SGCZ: variants seen among roughly 807,000 people sequenced by gnomAD.
The protein encoded by SGCZ is zeta-sarcoglycan.
In SGCZ, 40 loss-of-function variants were observed where a neutral mutation model predicts 41.3. The observed-to-expected ratio is 0.97, with a 90% CI of 0.75 to 1.26. The LOEUF (loss-of-function observed/expected upper bound fraction) is 1.26, where lower values mean the gene tolerates loss of function less well. SGCZ is among the 50% of genes most tolerant of loss of function. SGCZ has a pLI of 0.00. For missense variants in SGCZ, 552 were observed against 369.8 expected, an observed-to-expected ratio of 1.49 and a Z score of -4.04; for synonymous variants, 206 against 137.5, an observed-to-expected ratio of 1.50 and a Z score of -3.49.
chr8:14,125,033 C>G (rs1195183322), intron 5 of SGCZ, among the ~76,000 whole-genome samples: 1 of 152,116 alleles, frequency 6.6e-6, no homozygotes, highest in Non-Finnish European at 1.5e-5. Context: ...TGAATGAACT[C>G]CCATTCACAA....
intron 1 of SGCZ, among the ~76,000 whole-genome samples, chr8:14,630,066 T>C (rs1450944025): frequency 6.6e-6 from 1 of 152,090 alleles, no homozygotes; most frequent in Non-Finnish European, 1.5e-5. Flanking sequence ...CCCCATTCCT[T>C]GATTTCCATG....
intron 1 of SGCZ, among the ~76,000 whole-genome samples, chr8:14,637,051 CT>C (rs1459796008): frequency 6.6e-6 from 1 of 150,590 alleles, no homozygotes; most frequent in Non-Finnish European, 1.5e-5. Flanking sequence ...TATTTTTTTT[CT>C]TTTTCATACA....
At chr8:14,665,217 G>A (rs535977428) in intron 1 of SGCZ, among the ~76,000 whole-genome samples, 23 of 152,002 alleles carry the variant, frequency 1.5e-4, no homozygotes, top group African/African-American at 5.3e-4. Flanking sequence ...CTGTGTCCAT[G>A]TGTTCTCATT....
chr8:14,427,057 TGAATGAATGAGTGAATGAAC>T (rs1323672183), intron 2 of SGCZ, among the ~76,000 whole-genome samples: 1 of 142,878 alleles, frequency 7.0e-6, no homozygotes, highest in African/African-American at 2.6e-5. Context: ...AATGAATGAA[TGAATGAATGAGTGAATGAAC>T]GAATGAATGA....
chr8:15,229,025 T>A (rs943726325), intron 1 of SGCZ, among the ~76,000 whole-genome samples: 5 of 152,024 alleles, frequency 3.3e-5, no homozygotes, highest in African/African-American at 1.2e-4. Flanking sequence ...GAAACCCGTA[T>A]CTACAAAAAT....
intron 1 of SGCZ, among the ~76,000 whole-genome samples, chr8:15,075,305 G>T (rs559923966): frequency 6.6e-6 from 1 of 152,092 alleles, no homozygotes; most frequent in African/African-American, 2.4e-5. Context: ...GATTTAGAGT[G>T]AATCTAAATA....
At chr8:14,592,211 C>A (rs1185179817) in intron 1 of SGCZ, among the ~76,000 whole-genome samples, 1 of 151,992 alleles carries the variant, frequency 6.6e-6, no homozygotes, top group Non-Finnish European at 1.5e-5. Flanking sequence ...GCCTTAGATT[C>A]CTAGTTTTAA....
intron 2 of SGCZ, among the ~76,000 whole-genome samples, chr8:14,450,467 A>C (rs1446692140): frequency 1.3e-5 from 2 of 152,214 alleles, no homozygotes; most frequent in Admixed American, 1.3e-4. Flanking sequence ...AGTGTAAGAG[A>C]AAATGTCTGT....
chr8:14,281,110 A>T (rs1409611715), intron 3 of SGCZ, among the ~76,000 whole-genome samples: 1 of 151,930 alleles, frequency 6.6e-6, no homozygotes, highest in African/African-American at 2.4e-5. Flanking sequence ...TTTCAGTCAC[A>T]TTCTTGAGAT....
chr8:14,747,840 G>C (rs1001700134), intron 1 of SGCZ, among the ~76,000 whole-genome samples: 1 of 148,560 alleles, frequency 6.7e-6, no homozygotes, highest in Non-Finnish European at 1.5e-5. Flanking sequence ...AGTCTCCTTA[G>C]TAGCTGAGAT....
chr8:14,905,835 C>T (rs546471610), intron 1 of SGCZ, among the ~76,000 whole-genome samples: 3 of 151,794 alleles, frequency 2.0e-5, no homozygotes, highest in South Asian at 4.1e-4. Context: ...CAAAACCATT[C>T]GTACAAACTG....
intron 1 of SGCZ, among the ~76,000 whole-genome samples, chr8:15,123,307 T>C (rs1807557442): frequency 6.6e-6 from 1 of 152,236 alleles, no homozygotes; most frequent in Non-Finnish European, 1.5e-5. Flanking sequence ...TAAAGATTTA[T>C]GCCTTTTATT....
chr8:14,365,747 T>TTTG (rs996761431), intron 2 of SGCZ, among the ~76,000 whole-genome samples: 3 of 152,116 alleles, frequency 2.0e-5, no homozygotes, highest in African/African-American at 4.8e-5. Flanking sequence ...TTCCACTTAT[T>TTTG]TTGTCCATTT....
chr8:14,117,671 G>C (rs1342041768), intron 5 of SGCZ, among the ~76,000 whole-genome samples: 2 of 151,458 alleles, frequency 1.3e-5, no homozygotes, highest in Non-Finnish European at 2.9e-5. Flanking sequence ...TGCCATAGTG[G>C]TTTGCTGCAC....
At chr8:14,294,698 T>A (rs1800954294) in intron 3 of SGCZ, among the ~76,000 whole-genome samples, 1 of 152,000 alleles carries the variant, frequency 6.6e-6, no homozygotes, top group Admixed American at 6.6e-5. Context: ...GTAGAATAGG[T>A]AGGCAAATGT....
At chr8:14,380,549 CA>C (rs1352861677) in intron 2 of SGCZ, among the ~76,000 whole-genome samples, 1 of 152,112 alleles carries the variant, frequency 6.6e-6, no homozygotes, top group Non-Finnish European at 1.5e-5. Flanking sequence ...CATCAAAGTT[CA>C]AATAAAGAAT....
In SGCZ at chr8:15,108,051, C is replaced by T. The variant is rs114244786; in HGVS notation, c.39+129534G>A. On this transcript the variant is annotated intron_variant, in intron 1 of 7. Transcript: ENST00000382080. ...ATTTACTAATAGTTTTTGTTTTCTC[C>T]TTACCCCTCCCCTCAAGGAAATAGG... Among the ~76,000 whole-genome samples the T allele has an allele frequency of 1.7e-3, 261 of 152,184 alleles. 1 individual carries two copies. The highest frequency in any genetic ancestry group is 5.9e-3 in the African/African-American group (247 of 41,528).
chr8:14,116,009 G>C (rs1802511304), intron 5 of SGCZ, among the ~76,000 whole-genome samples: 1 of 152,046 alleles, frequency 6.6e-6, no homozygotes. Context: ...ATTCATCTCA[G>C]CAGCACTTTC....
At chr8:15,020,592 C>A (rs895387734) in intron 1 of SGCZ, among the ~76,000 whole-genome samples, 1 of 152,146 alleles carries the variant, frequency 6.6e-6, no homozygotes, top group Non-Finnish European at 1.5e-5. Context: ...TCACCTCAAC[C>A]AGATACACAA....
Sources: allele counts gnomAD v4.1 joint callset (sites outside exome capture counted in the v4.1 genomes callset), GRCh38; gene constraint gnomAD v4.1.1; transcripts MANE v1.5; gene names NCBI Gene and HGNC (gene_info 2026-07-23, HGNC 2026-07-21).